CDH13: variants seen among roughly 807,000 people sequenced by gnomAD.
CDH13 encodes the protein cadherin-13.
In CDH13, 24 loss-of-function variants were observed where a neutral mutation model predicts 63.8. That is an observed-to-expected ratio of 0.38 (90% CI 0.27 to 0.53). The LOEUF is 0.53. Ranked by LOEUF, CDH13 falls within the 20% of genes least tolerant of loss-of-function variation. The pLI is 0.85. For missense variants in CDH13, 1,049 were observed against 903.1 expected (o/e 1.16, Z -2.07); for synonymous variants, 503 against 355.3 (o/e 1.42, Z -4.67).
At chr16:83,611,124 C>CCCA (rs1908821709) in intron 8 of CDH13, among the ~76,000 whole-genome samples, 4 of 152,080 alleles carry the variant, frequency 2.6e-5, no homozygotes, top group Non-Finnish European at 5.9e-5. Flanking sequence ...GTCTTTCAAC[C>CCCA]ATTTTTTAAG....
At chr16:83,358,852 A>G (rs1051799802) in intron 6 of CDH13, among the ~76,000 whole-genome samples, 5 of 152,170 alleles carry the variant, frequency 3.3e-5, no homozygotes, top group African/African-American at 1.2e-4. Flanking sequence ...TTAGGTTAAA[A>G]AAAACCCCAC....
chr16:82,944,909 T>A (rs915312274), intron 2 of CDH13, among the ~76,000 whole-genome samples: 1 of 152,092 alleles, frequency 6.6e-6, no homozygotes, highest in African/African-American at 2.4e-5. Flanking sequence ...AATAAAGTAG[T>A]TAAGAGAAAT....
intron 6 of CDH13, among the ~76,000 whole-genome samples, chr16:83,450,953 G>T (rs1047798902): frequency 6.6e-6 from 1 of 152,140 alleles, no homozygotes; most frequent in Admixed American, 6.5e-5. Flanking sequence ...ATCCCCTGGA[G>T]GGCTTGTGAA....
intron 1 of CDH13, among the ~76,000 whole-genome samples, chr16:82,841,894 A>G (rs2039021701): frequency 6.6e-6 from 1 of 151,916 alleles, no homozygotes; most frequent in Non-Finnish European, 1.5e-5. Context: ...GTGATTTCAC[A>G]TTAGTAGCTT....
intron 13 of CDH13, among the ~76,000 whole-genome samples, chr16:83,790,645 C>T (rs1467092685): frequency 1.3e-5 from 2 of 152,134 alleles, no homozygotes; most frequent in African/African-American, 2.4e-5. Context: ...CCTCGTGATC[C>T]GCCCGCCTCG....
At chr16:83,353,800 A>G (rs944940812) in intron 6 of CDH13, among the ~76,000 whole-genome samples, 7 of 152,170 alleles carry the variant, frequency 4.6e-5, no homozygotes, top group Admixed American at 3.9e-4. Flanking sequence ...TTCTGGGTGA[A>G]CTGGGGAGAT....
intron 6 of CDH13, among the ~76,000 whole-genome samples, chr16:83,458,249 C>G (rs1221988533): frequency 6.6e-6 from 1 of 152,190 alleles, no homozygotes; most frequent in Non-Finnish European, 1.5e-5. Context: ...GTTCTTTGGG[C>G]TGTTCCTTTG....
rs1158534327 is a variant in CDH13 at position 83,670,781 on chromosome 16, T to C, written c.1102-9T>C. ...AAATAGTGACCATTACCATCTGCTT[T>C]GTTTGCAGTTTCAAGCCACAGTCGA... On this transcript the variant is annotated splice_polypyrimidine_tract_variant and intron_variant, in intron 8 of 13. Coordinates refer to ENST00000567109, the MANE Select transcript of CDH13 (RefSeq NM_001257.5). The C allele has an allele frequency of 6.2e-7, 1 of 1,613,830 alleles. No individual in the cohort carries two copies. Among genetic ancestry groups the C allele is most frequent in the Non-Finnish European group, 8.5e-7 (1 of 1,179,748 alleles).
At chr16:83,295,900 A>G (rs1420713834) in intron 5 of CDH13, among the ~76,000 whole-genome samples, 1 of 152,212 alleles carries the variant, frequency 6.6e-6, no homozygotes, top group Non-Finnish European at 1.5e-5. Context: ...CACAATAGCC[A>G]AGATATGGAA....
intron 6 of CDH13, among the ~76,000 whole-genome samples, chr16:83,465,310 G>T (rs2073281945): frequency 6.6e-6 from 1 of 152,196 alleles, no homozygotes; most frequent in African/African-American, 2.4e-5. Flanking sequence ...ATAACTGAGT[G>T]AGCTTCTAGA....
intron 2 of CDH13, among the ~76,000 whole-genome samples, chr16:82,862,872 G>T (rs545799107): frequency 6.6e-6 from 1 of 152,300 alleles, no homozygotes; most frequent in South Asian, 2.1e-4. Flanking sequence ...GATGGCCGAG[G>T]CTACTTCCAA....
intron 6 of CDH13, among the ~76,000 whole-genome samples, chr16:83,393,794 C>T (rs1160221053): frequency 6.6e-6 from 1 of 152,130 alleles, no homozygotes; most frequent in Non-Finnish European, 1.5e-5. Flanking sequence ...AGGCTTCTGG[C>T]CTCAGGGAGT....
chr16:82,975,836 C>T (rs1473401486), intron 2 of CDH13, among the ~76,000 whole-genome samples: 1 of 152,104 alleles, frequency 6.6e-6, no homozygotes, highest in African/African-American at 2.4e-5. Context: ...TCTATACCCC[C>T]ATCCCTGAAA....
At chr16:83,311,216 G>A (rs553520687) in intron 5 of CDH13, among the ~76,000 whole-genome samples, 10 of 152,070 alleles carry the variant, frequency 6.6e-5, no homozygotes, top group Non-Finnish European at 1.3e-4. Context: ...AGTCTTGGTT[G>A]TCTGTCCCCA....
At chr16:83,446,815 A>G (rs2072701798) in intron 6 of CDH13, among the ~76,000 whole-genome samples, 1 of 152,130 alleles carries the variant, frequency 6.6e-6, no homozygotes, top group Non-Finnish European at 1.5e-5. Flanking sequence ...GAGTACATGT[A>G]ACAAATCCAA....
chr16:83,664,739 A>T (rs1913775041), intron 8 of CDH13, among the ~76,000 whole-genome samples: 1 of 152,112 alleles, frequency 6.6e-6, no homozygotes, highest in Non-Finnish European at 1.5e-5. Context: ...TACTGAAATG[A>T]CCGTTACCTG....
At chr16:82,670,168 T>A (rs1474040215) in intron 1 of CDH13, among the ~76,000 whole-genome samples, 1 of 152,192 alleles carries the variant, frequency 6.6e-6, no homozygotes, top group Non-Finnish European at 1.5e-5. Context: ...TGGGAAGTTT[T>A]AATAAAGTAG....
chr16:83,426,919 T>C (rs1597993553), intron 6 of CDH13, among the ~76,000 whole-genome samples: 1 of 90,246 alleles, frequency 1.1e-5, no homozygotes, highest in African/African-American at 3.9e-5. Context: ...TTTTTTTTTT[T>C]TTTTTTTTTT....
intron 7 of CDH13, among the ~76,000 whole-genome samples, chr16:83,560,767 A>T (rs781537553): frequency 1.3e-5 from 2 of 152,100 alleles, no homozygotes; most frequent in Non-Finnish European, 2.9e-5. Flanking sequence ...CCAAGTTTCT[A>T]TTCCAAATTC....
Sources: gnomAD v4.1 joint callset for allele counts (sites outside exome capture counted in the v4.1 genomes callset) on GRCh38, gnomAD v4.1.1 for gene constraint, MANE v1.5 for transcripts, NCBI Gene and HGNC (gene_info 2026-07-23, HGNC 2026-07-21) for gene names.